SLC2A13: variants seen among roughly 807,000 people sequenced by gnomAD.
SLC2A13 encodes solute carrier family 2 member 13, also known as proton myo-inositol cotransporter.
A neutral mutation model predicts 64.4 loss-of-function variants in SLC2A13; 32 were observed. That is an observed-to-expected ratio of 0.50 (90% CI 0.37 to 0.67). SLC2A13 has a LOEUF of 0.67. Among genes scored for constraint, SLC2A13 ranks in the 30% least tolerant of loss-of-function variants. The pLI, the probability that SLC2A13 is intolerant of heterozygous loss-of-function variation, is 0.00. For synonymous variants in SLC2A13, 338 were observed against 327.1 expected, an observed-to-expected ratio of 1.03 and a Z score of -0.36; for missense variants, 743 against 829.2, an observed-to-expected ratio of 0.90 and a Z score of 1.28.
intron 7 of SLC2A13, among the ~76,000 whole-genome samples, chr12:39,827,340 A>T: frequency 6.6e-6 from 1 of 152,162 alleles, no homozygotes; most frequent in East Asian, 1.9e-4. Flanking sequence ...TGAGCAGCAG[A>T]GAAGTAGGTA....
In SLC2A13 at chr12:40,105,865, G is replaced by A; in HGVS notation, c.-57C>T. On this transcript the variant is annotated 5_prime_UTR_variant, in exon 1 of 10. Coordinates refer to ENST00000280871, the MANE Select transcript of SLC2A13 (RefSeq NM_052885.4). The surrounding 1 kb of genome is among the most constrained non-coding windows in gnomAD (Gnocchi z 4.2). Reference sequence around the variant, plus strand: ...GCGGCTCCGCGGGCCGGCAGTCTCGGCGAGCTAGACAGCCCGAGCCGGCGG... The same window carrying A: ...GCGGCTCCGCGGGCCGGCAGTCTCGACGAGCTAGACAGCCCGAGCCGGCGG... 3 of 1,334,636 alleles carry A rather than the reference G, an allele frequency of 2.2e-6. No individual in the cohort carries two copies. The highest frequency in any genetic ancestry group is 2.9e-6 in the Non-Finnish European group (3 of 1,046,338). 82.7% of individuals were successfully genotyped at this position (1,334,636 alleles called of 1,614,324 possible). A position where few individuals can be genotyped will look rare whatever the true frequency, so the allele number is the denominator to read the frequency against.
intron 4 of SLC2A13, among the ~76,000 whole-genome samples, chr12:39,921,380 C>T (rs571015289): frequency 1.3e-5 from 2 of 152,186 alleles, no homozygotes; most frequent in Admixed American, 1.3e-4. Flanking sequence ...CTCTCTCCTG[C>T]CCTGGCTGTC....
chr12:40,087,049 C>T (rs1938609547), intron 1 of SLC2A13, among the ~76,000 whole-genome samples: 1 of 152,180 alleles, frequency 6.6e-6, no homozygotes, highest in Non-Finnish European at 1.5e-5. Flanking sequence ...AGATTGATTT[C>T]CTCTAATCTC....
chr12:40,071,462 G>T (rs1428103611), intron 1 of SLC2A13, among the ~76,000 whole-genome samples: 3 of 152,062 alleles, frequency 2.0e-5, no homozygotes, highest in South Asian at 2.1e-4. Context: ...GTATCTGAGA[G>T]ATACTGGTCT....
chr12:39,775,988 T>C (rs1940760701), intron 7 of SLC2A13, among the ~76,000 whole-genome samples: 1 of 152,212 alleles, frequency 6.6e-6, no homozygotes, highest in South Asian at 2.1e-4. Flanking sequence ...TTTTGGATTT[T>C]AGATTTTTGG....
chr12:39,789,009 C>T (rs554922046), intron 7 of SLC2A13, among the ~76,000 whole-genome samples: 11 of 152,064 alleles, frequency 7.2e-5, no homozygotes, highest in Non-Finnish European at 1.3e-4. Flanking sequence ...TTTGTTTTAA[C>T]TTATTAAAGT....
At position 39,758,002 on chromosome 12, in the gene SLC2A13, A is replaced by AATT. The variant is rs1187085250; in HGVS notation, c.*2021_*2023dup. On this transcript the variant is annotated 3_prime_UTR_variant, in exon 10 of 10. Transcript: ENST00000280871. ...CATATAGTAGCTTATTTTTCACTTC[A>AATT]ATTTACCTGTGTAAAATATTAGATA... is the stretch of plus-strand genomic sequence containing the variant. The AATT allele has an allele frequency of 5.3e-5, 8 of 151,828 alleles. No homozygotes were observed. Among genetic ancestry groups the AATT allele is most frequent in the African/African-American group, 1.9e-4 (8 of 41,368 alleles). 9.4% of individuals were successfully genotyped at this position (151,828 alleles called of 1,614,324 possible).
chr12:39,792,630 G>C (rs1024690154), intron 7 of SLC2A13, among the ~76,000 whole-genome samples: 3 of 152,060 alleles, frequency 2.0e-5, no homozygotes, highest in Non-Finnish European at 2.9e-5. Flanking sequence ...GATCCCTGTG[G>C]ATACCAAAAC....
chr12:39,959,704 T>C (rs576059140), intron 3 of SLC2A13, among the ~76,000 whole-genome samples: 2 of 152,332 alleles, frequency 1.3e-5, no homozygotes, highest in Admixed American at 1.3e-4. Flanking sequence ...TTAACAGTCA[T>C]GGGAGTGTGG....
At position 39,885,268 on chromosome 12, in the gene SLC2A13, C is replaced by T. The variant is rs555639929; in HGVS notation, c.1035-13307G>A. ...ACAGACTAACCTCACTTGAAATTCC[C>T]TACTCTCTCAAATGAATGCTTTCAT... On this transcript the variant is annotated intron_variant, in intron 4 of 9. Transcript: ENST00000280871. Among the ~76,000 whole-genome samples the T allele has an allele frequency of 1.5e-4, 23 of 152,274 alleles. No individual in the cohort carries two copies. The East Asian group carries it at 4.4e-3, about 29-fold the overall frequency.
chr12:39,821,404 C>T (rs1323038271), intron 7 of SLC2A13, among the ~76,000 whole-genome samples: 1 of 151,254 alleles, frequency 6.6e-6, no homozygotes, highest in Non-Finnish European at 1.5e-5. Context: ...AGCAAGACTC[C>T]GTCTCAAAAA....
In SLC2A13 at chr12:39,934,710, T is replaced by G. The variant is rs548066940; in HGVS notation, c.1034+16547A>C. ...GGAAACTAAAGTTGAAATTTCACAG[T>G]TAAATCTACTTTATACATTTTCTAT... On this transcript the variant is annotated intron_variant, in intron 4 of 9. Transcript: ENST00000280871. 1.6e-4 allele frequency among the ~76,000 whole-genome samples: 25 copies of G among 152,368 alleles called. No homozygotes were observed. The South Asian group carries it at 4.8e-3, about 29-fold the overall frequency.
chr12:39,922,851 G>GGTCAA (rs1415838374), intron 4 of SLC2A13, among the ~76,000 whole-genome samples: 3 of 151,592 alleles, frequency 2.0e-5, no homozygotes, highest in Non-Finnish European at 4.4e-5. Context: ...AAACACAAAG[G>GGTCAA]GTCAAGCCTA....
intron 3 of SLC2A13, among the ~76,000 whole-genome samples, chr12:39,993,443 C>A (rs1469900562): frequency 6.6e-6 from 1 of 152,208 alleles, no homozygotes; most frequent in African/African-American, 2.4e-5. Flanking sequence ...CAGAGCAAAT[C>A]CCTGATGGCT....
chr12:39,819,454 A>G (rs925297639), intron 7 of SLC2A13, among the ~76,000 whole-genome samples: 19 of 152,126 alleles, frequency 1.2e-4, no homozygotes, highest in African/African-American at 4.6e-4. Context: ...ATAGTTTACT[A>G]CAAACTTTTA....
At chr12:39,987,753 C>T (rs1202405576) in intron 3 of SLC2A13, among the ~76,000 whole-genome samples, 1 of 151,972 alleles carries the variant, frequency 6.6e-6, no homozygotes, top group Non-Finnish European at 1.5e-5. Context: ...CTGGGATTAT[C>T]CTTTATTACT....
At chr12:39,875,324 T>G (rs947458767) in intron 4 of SLC2A13, among the ~76,000 whole-genome samples, 2 of 152,200 alleles carry the variant, frequency 1.3e-5, no homozygotes, top group African/African-American at 4.8e-5. Context: ...AAGCCAACAA[T>G]GATTTGTCAA....
At chr12:39,990,110 T>C (rs937214676) in intron 3 of SLC2A13, among the ~76,000 whole-genome samples, 2 of 152,230 alleles carry the variant, frequency 1.3e-5, no homozygotes, top group African/African-American at 4.8e-5. Flanking sequence ...CTATGTCTAC[T>C]CTAGTAACAC....
intron 7 of SLC2A13, among the ~76,000 whole-genome samples, chr12:39,769,120 A>G (rs1940467766): frequency 6.6e-6 from 1 of 152,090 alleles, no homozygotes; most frequent in Non-Finnish European, 1.5e-5. Flanking sequence ...ATGCCATTTT[A>G]TCTCAGTTGG....
Sources: allele counts gnomAD v4.1 joint callset (sites outside exome capture counted in the v4.1 genomes callset), GRCh38; gene constraint gnomAD v4.1.1; non-coding constraint Gnocchi (gnomAD v3.1); transcripts MANE v1.5; gene names NCBI Gene and HGNC (gene_info 2026-07-23, HGNC 2026-07-21).